TENM3: variants seen among roughly 807,000 people sequenced by gnomAD.
The protein encoded by TENM3 is teneurin transmembrane protein 3.
TENM3 carries 63 observed loss-of-function variants against 255.1 expected under a neutral mutation model. The observed-to-expected ratio is 0.25, with a 90% CI of 0.20 to 0.30. TENM3 has a LOEUF of 0.30. Among genes scored for constraint, TENM3 ranks in the 10% least tolerant of loss-of-function variants. TENM3 has a pLI of 1.00. For missense variants in TENM3, 2,929 were observed against 3,461.1 expected, an observed-to-expected ratio of 0.85 and a Z score of 3.86; for synonymous variants, 1,306 against 1,322.3, an observed-to-expected ratio of 0.99 and a Z score of 0.27.
intron 1 of TENM3, among the ~76,000 whole-genome samples, chr4:182,184,106 C>T (rs1473194793): frequency 1.3e-5 from 2 of 152,112 alleles, no homozygotes; most frequent in Non-Finnish European, 2.9e-5. Context: ...AATATTATAG[C>T]AGCTGGTTAG....
chr4:182,033,520 C>G, the TENM3 span, among the ~76,000 whole-genome samples: 1 of 152,128 alleles, frequency 6.6e-6, no homozygotes, highest in South Asian at 2.1e-4. Flanking sequence ...TGTTGTTTTT[C>G]GAGGGAGAGT....
At chr4:182,477,941 TACA>T (rs1733833383) in intron 3 of TENM3, among the ~76,000 whole-genome samples, 1 of 152,174 alleles carries the variant, frequency 6.6e-6, no homozygotes, top group Non-Finnish European at 1.5e-5. Flanking sequence ...ACTAATTTGG[TACA>T]AAGCAGAACA....
chr4:181,510,165 G>A, the TENM3 span, among the ~76,000 whole-genome samples: 3 of 152,212 alleles, frequency 2.0e-5, no homozygotes, highest in Admixed American at 6.5e-5. Flanking sequence ...GAACTCAGAC[G>A]ATGCTGAAAA....
the TENM3 span, among the ~76,000 whole-genome samples, chr4:181,870,776 A>G: frequency 6.6e-6 from 1 of 151,972 alleles, no homozygotes; most frequent in Non-Finnish European, 1.5e-5. Flanking sequence ...TTTCTTAATG[A>G]TGCCTTATGA....
chr4:182,183,485 T>A (rs145202768), intron 1 of TENM3, among the ~76,000 whole-genome samples: 29 of 152,256 alleles, frequency 1.9e-4, no homozygotes, highest in African/African-American at 6.7e-4. Flanking sequence ...CAAGGACTAC[T>A]TTGGGAGAAA....
chr4:182,072,365 G>T, the TENM3 span, among the ~76,000 whole-genome samples: 1 of 152,038 alleles, frequency 6.6e-6, no homozygotes, highest in Non-Finnish European at 1.5e-5. Context: ...TGACTCATAG[G>T]GTACACTGTA....
At chr4:182,533,844 G>A (rs1198685155) in intron 3 of TENM3, among the ~76,000 whole-genome samples, 1 of 151,794 alleles carries the variant, frequency 6.6e-6, no homozygotes, top group Non-Finnish European at 1.5e-5. Flanking sequence ...ATGTGGGAGG[G>A]GGAGGTTGCA....
At chr4:181,456,729 G>T in the TENM3 span, among the ~76,000 whole-genome samples, 1 of 151,804 alleles carries the variant, frequency 6.6e-6, no homozygotes, top group South Asian at 2.1e-4. Flanking sequence ...GTGTAAAACA[G>T]ATTATTAAAA....
chr4:181,729,882 C>A, the TENM3 span, among the ~76,000 whole-genome samples: 2 of 152,208 alleles, frequency 1.3e-5, no homozygotes, highest in Non-Finnish European at 2.9e-5. Context: ...AATACCTGGC[C>A]ACACGATGTC....
At chr4:181,872,952 T>A in the TENM3 span, among the ~76,000 whole-genome samples, 2 of 152,216 alleles carry the variant, frequency 1.3e-5, no homozygotes. Context: ...AATTGCCTTA[T>A]TCTCTTATTT....
At chr4:181,653,275 A>T in the TENM3 span, among the ~76,000 whole-genome samples, 1 of 152,170 alleles carries the variant, frequency 6.6e-6, no homozygotes, top group Non-Finnish European at 1.5e-5. Context: ...GACTTTTCTG[A>T]TTCAGTAGGT....
chr4:182,620,766 T>G (rs1339376449), intron 4 of TENM3, among the ~76,000 whole-genome samples: 1 of 152,224 alleles, frequency 6.6e-6, no homozygotes, highest in Non-Finnish European at 1.5e-5. Flanking sequence ...TCTTGCTCTG[T>G]TGCCCAGGCT....
At chr4:182,621,696 TATATATAAA>T (rs1159705263) in intron 4 of TENM3, among the ~76,000 whole-genome samples, 3,245 of 24,780 alleles carry the variant, frequency 0.13, 277 homozygotes, top group African/African-American at 0.25. Flanking sequence ...TAATATATAT[TATATATAAA>T]ATATATAATA....
rs145074857 is a variant in TENM3, at chr4:182,238,052, G to A, written c.-75-85894G>A. ...ATACACTAAGACTACAGGTGGCTTG[G>A]TTGACAGTGTTACTTTTAAATAAGA... On this transcript the variant is annotated intron_variant, in intron 1 of 2. Transcript: ENST00000512480. 1.1e-3 allele frequency among the ~76,000 whole-genome samples: 164 copies of A among 152,272 alleles called. 1 individual carries two copies. The highest frequency in any genetic ancestry group is 3.9e-3 in the African/African-American group (160 of 41,558).
chr4:181,526,895 G>A, the TENM3 span, among the ~76,000 whole-genome samples: 2 of 152,010 alleles, frequency 1.3e-5, no homozygotes, highest in Non-Finnish European at 2.9e-5. Context: ...CCTCTCTTTC[G>A]AGTAGTAGTA....
At position 182,789,221 on chromosome 4, in the gene TENM3, G is replaced by C. The variant is rs1765913391; in HGVS notation, c.5433G>C (p.Leu1811=). Residue 1811 remains leucine, a synonymous_variant, in exon 25 of 28, where the codon CTG becomes CTC. Transcript: ENST00000511685. This position sits in a 1 kb window ranked among gnomAD's most constrained non-coding sequence, Gnocchi z 4.4. ...YDTSGHPTLW[L]PSSKLMAVNV... ...CGTCTGGGCACCCGACTCTCTGGCTGCCAAGCAGCAAGCTGATGGCCGTCA... is the reference window on the plus strand; with the variant it reads ...CGTCTGGGCACCCGACTCTCTGGCTCCCAAGCAGCAAGCTGATGGCCGTCA... 6.2e-7 allele frequency: 1 copy of C among 1,613,558 alleles called. No individual in the cohort carries two copies. The highest frequency in any genetic ancestry group is 1.3e-5 in the African/African-American group (1 of 74,928).
chr4:181,864,048 G>C, the TENM3 span, among the ~76,000 whole-genome samples: 4 of 152,232 alleles, frequency 2.6e-5, no homozygotes, highest in East Asian at 7.7e-4. Flanking sequence ...ACCACTGCAA[G>C]GCTCTCGGGC....
At chr4:182,349,112 T>G (rs1561350540) in intron 3 of TENM3, among the ~76,000 whole-genome samples, 1 of 152,142 alleles carries the variant, frequency 6.6e-6, no homozygotes, top group Non-Finnish European at 1.5e-5. Context: ...TGAGAGTAAA[T>G]AGGTCAGCCA....
At chr4:181,529,918 T>G in the TENM3 span, among the ~76,000 whole-genome samples, 1 of 152,172 alleles carries the variant, frequency 6.6e-6, no homozygotes, top group Non-Finnish European at 1.5e-5. Flanking sequence ...CTATGTGGCC[T>G]TAAGAAAAGA....
Sources: gnomAD v4.1 joint callset for allele counts (sites outside exome capture counted in the v4.1 genomes callset) on GRCh38, gnomAD v4.1.1 for gene constraint, Gnocchi (gnomAD v3.1) non-coding constraint, MANE v1.5 for transcripts, NCBI Gene and HGNC (gene_info 2026-07-23, HGNC 2026-07-21) for gene names.